Variants in GMDS observed in about 807,000 individuals in gnomAD.
The protein encoded by GMDS is GDP-mannose 4,6-dehydratase.
Under a neutral mutation model 49.9 loss-of-function variants are expected in GMDS, and 20 were observed. The ratio of observed to expected loss-of-function variants is 0.40; its 90% confidence interval spans 0.28 to 0.58. GMDS has a LOEUF of 0.58. Among genes scored for constraint, GMDS ranks in the 20% least tolerant of loss-of-function variants. The pLI, the probability that GMDS is intolerant of heterozygous loss-of-function variation, is 0.42. For missense variants in GMDS, 362 were observed against 481.4 expected (o/e 0.75, Z 2.32); for synonymous variants, 177 against 178.6 (o/e 0.99, Z 0.07).
intron 4 of GMDS, among the ~76,000 whole-genome samples, chr6:1,987,725 A>G (rs141619029): frequency 6.6e-6 from 1 of 152,376 alleles, no homozygotes; most frequent in Non-Finnish European, 1.5e-5. Context: ...AAGCAAAAGA[A>G]TGAAACATAA....
chr6:1,940,347 T>A (rs982863374), intron 6 of GMDS, among the ~76,000 whole-genome samples: 5 of 152,256 alleles, frequency 3.3e-5, no homozygotes, highest in African/African-American at 4.8e-5. Flanking sequence ...AATGACAGTT[T>A]GGACAATATT....
intron 7 of GMDS, among the ~76,000 whole-genome samples, chr6:1,777,649 G>A (rs890024641): frequency 6.6e-6 from 1 of 152,204 alleles, no homozygotes; most frequent in Admixed American, 6.5e-5. Context: ...ATGCAATTAT[G>A]TGCATTCAGC....
chr6:1,675,709 C>T (rs546641321), intron 9 of GMDS, among the ~76,000 whole-genome samples: 8 of 151,984 alleles, frequency 5.3e-5, no homozygotes, highest in East Asian at 3.9e-4. Flanking sequence ...AAAAATTAGC[C>T]GGGTGTGATG....
intron 7 of GMDS, among the ~76,000 whole-genome samples, chr6:1,871,296 T>C (rs901905637): frequency 2.6e-5 from 4 of 152,226 alleles, no homozygotes; most frequent in Non-Finnish European, 5.9e-5. Flanking sequence ...CATAGAGATA[T>C]ATTAAAAACC....
At position 2,186,041 on chromosome 6, in the gene GMDS, G is replaced by C. The variant is rs114158377; in HGVS notation, c.102+59280C>G. ...TATTAAATACAATGTTCTTACCAAT[G>C]AGTCCCAAACTTGGCTAGGCTTCAA... is the stretch of plus-strand genomic sequence containing the variant. On this transcript the variant is annotated intron_variant, in intron 1 of 10. Transcript: ENST00000380815. 4.5e-3 allele frequency among the ~76,000 whole-genome samples: 684 copies of C among 152,250 alleles called. 4 individuals are homozygous for C. The highest frequency in any genetic ancestry group is 7.7e-3 in the Non-Finnish European group (524 of 68,014).
At chr6:1,852,544 G>A (rs1278448550) in intron 7 of GMDS, among the ~76,000 whole-genome samples, 2 of 152,010 alleles carry the variant, frequency 1.3e-5, no homozygotes, top group African/African-American at 4.8e-5. Context: ...TTTTCCACAA[G>A]CTTCCCCTCC....
intron 4 of GMDS, among the ~76,000 whole-genome samples, chr6:2,105,107 G>A (rs972655842): frequency 2.0e-5 from 3 of 150,522 alleles, no homozygotes; most frequent in Non-Finnish European, 3.0e-5. Flanking sequence ...GCGTGAACCC[G>A]GGAGGCGGAG....
rs191135638 is a variant in GMDS at position 2,098,466 on chromosome 6, A to C, written c.345+17305T>G. On this transcript the variant is annotated intron_variant, in intron 4 of 10. Coordinates refer to ENST00000380815, the MANE Select transcript of GMDS (RefSeq NM_001500.4). ...TCATAGATTAACAAGGATAAACACCAATCTAAGAATTTGTACGTAGTTTAT... is the reference window on the plus strand; with the variant it reads ...TCATAGATTAACAAGGATAAACACCCATCTAAGAATTTGTACGTAGTTTAT... Among the ~76,000 whole-genome samples, 326 of 152,350 alleles carry C rather than the reference A, an allele frequency of 2.1e-3. 1 individual carries two copies. The highest frequency in any genetic ancestry group is 3.4e-3 in the Middle Eastern group (1 of 294).
chr6:1,898,053 G>A (rs1182576646), intron 7 of GMDS, among the ~76,000 whole-genome samples: 11 of 121,658 alleles, frequency 9.0e-5, no homozygotes, highest in Admixed American at 1.7e-4. Flanking sequence ...GGCCTCCCTT[G>A]CCATCCTGGA....
At chr6:1,969,261 C>CAA (rs761741871) in intron 4 of GMDS, among the ~76,000 whole-genome samples, 168 of 13,872 alleles carry the variant, frequency 0.012, 1 homozygote, top group Non-Finnish European at 0.022. Flanking sequence ...GGCTCCATCT[C>CAA]AAAAAAAAAA....
chr6:2,239,629 A>G (rs532933108), intron 1 of GMDS, among the ~76,000 whole-genome samples: 77 of 152,188 alleles, frequency 5.1e-4, no homozygotes, highest in African/African-American at 1.7e-3. Flanking sequence ...CACATGTAAC[A>G]GTCTTTGATT....
chr6:2,012,367 ATTG>A (rs1344437380), intron 4 of GMDS, among the ~76,000 whole-genome samples: 1 of 152,194 alleles, frequency 6.6e-6, no homozygotes, highest in South Asian at 2.1e-4. Flanking sequence ...ACTAGATAAA[ATTG>A]TTGTAAGACT....
chr6:1,987,118 C>T (rs1301590269), intron 4 of GMDS, among the ~76,000 whole-genome samples: 1 of 152,060 alleles, frequency 6.6e-6, no homozygotes, highest in African/African-American at 2.4e-5. Flanking sequence ...TAGAAGCTTC[C>T]CTACTACACA....
At chr6:1,804,183 C>A (rs184894336) in intron 7 of GMDS, among the ~76,000 whole-genome samples, 2 of 152,338 alleles carry the variant, frequency 1.3e-5, no homozygotes, top group Admixed American at 1.3e-4. Flanking sequence ...TCTTTAAATG[C>A]TTTATGGTCA....
intron 4 of GMDS, among the ~76,000 whole-genome samples, chr6:2,014,377 G>C (rs1767767833): frequency 6.6e-6 from 1 of 152,004 alleles, no homozygotes; most frequent in South Asian, 2.1e-4. Context: ...ACAACATATG[G>C]GTGATTATAG....
At chr6:1,634,910 G>A (rs1763098714) in intron 9 of GMDS, among the ~76,000 whole-genome samples, 1 of 152,120 alleles carries the variant, frequency 6.6e-6, no homozygotes, top group African/African-American at 2.4e-5. Flanking sequence ...GGTTGGAGGC[G>A]GTGGTGGGGG....
At chr6:1,730,011 G>C (rs187448418) in intron 8 of GMDS, among the ~76,000 whole-genome samples, 1 of 152,280 alleles carries the variant, frequency 6.6e-6, no homozygotes, top group East Asian at 1.9e-4. Flanking sequence ...ACTCCTTGTA[G>C]TGACCATGAG....
chr6:1,982,513 T>A (rs12200121), intron 4 of GMDS, among the ~76,000 whole-genome samples: 1 of 151,940 alleles, frequency 6.6e-6, no homozygotes, highest in Non-Finnish European at 1.5e-5. Context: ...ACTTCTGAAG[T>A]TGATAAGCAA....
intron 6 of GMDS, among the ~76,000 whole-genome samples, chr6:1,948,881 C>T (rs2761234): frequency 0.67 from 102,560 of 152,024 alleles, 34,888 homozygotes; most frequent in East Asian, 0.83. Context: ...TTGCAATTCA[C>T]GGGTGTCTCG....
Sources: gnomAD v4.1 joint callset for allele counts (sites outside exome capture counted in the v4.1 genomes callset) on GRCh38, gnomAD v4.1.1 for gene constraint, MANE v1.5 for transcripts, NCBI Gene and HGNC (gene_info 2026-07-23, HGNC 2026-07-21) for gene names.